Variants in LIMK1 observed in about 807,000 individuals in gnomAD.
LIMK1 encodes the protein LIM motif-containing protein kinase.
In LIMK1, 21 loss-of-function variants were observed where a neutral mutation model predicts 77.6. That is an observed-to-expected ratio of 0.27 (90% confidence interval 0.19 to 0.39). The LOEUF (loss-of-function observed/expected upper bound fraction) is 0.39, where lower values mean the gene tolerates loss of function less well. LIMK1 is among the 10% of genes least tolerant of loss of function. The probability of loss-of-function intolerance (pLI) is 1.00; values close to 1 mark genes in which losing one functional copy is unlikely to be tolerated. For synonymous variants in LIMK1, 358 were observed against 370.0 expected (o/e 0.97, Z 0.37); for missense variants, 696 against 901.6 (o/e 0.77, Z 2.92).
At chr7:74,096,548 G>A (rs1799339397) in intron 2 of LIMK1, 74 bp from the exon 3 acceptor site, 2 of 1,581,680 alleles carry the variant, frequency 1.3e-6, no homozygotes, top group East Asian at 2.2e-5. Flanking sequence ...AAAGGTGCCT[G>A]TAGCCGAGGC....
In LIMK1 at chr7:74,099,042, T is replaced by A; in HGVS notation, c.412T>A (p.Tyr138Asn). 1 of 1,611,430 alleles carries A rather than the reference T, an allele frequency of 6.2e-7. No homozygotes were observed. Among genetic ancestry groups the A allele is most frequent in the Non-Finnish European group, 8.5e-7 (1 of 1,179,680 alleles). ...CGGCGGCTCTTGCAGCGGGCACTGC[T>A]ACTACCAGACTGTGGTGACCCCCGT... ...EHSKLYCGHC[Y>N]YQTVVTPVIE... The change falls in exon 5 of 16, where the codon TAC (tyrosine) becomes AAC (asparagine). Residue 138 changes from tyrosine (Y) to asparagine (N), a missense_variant. By Grantham distance (143) the Tyr-to-Asn change is moderately radical. This residue lies in a region of LIMK1 where 252 missense variants were observed against 279.4 expected (regional missense o/e 0.90). Transcript: ENST00000336180.
intron 2 of LIMK1, chr7:74,093,220 C>T (rs1227425396): frequency 1.3e-6 from 2 of 1,535,376 alleles, no homozygotes; most frequent in African/African-American, 1.4e-5. Flanking sequence ...CTCCCTTAGA[C>T]CTCCAGAGCC....
intron 3 of LIMK1, 141 bp from the exon 4 acceptor site, chr7:74,096,939 C>A: frequency 9.6e-7 from 1 of 1,044,844 alleles, no homozygotes; most frequent in Non-Finnish European, 1.4e-6. Context: ...GGAGCCAGCT[C>A]TGTCCAGGAG....
chr7:74,102,416 GGAGT>G (rs373251630), intron 5 of LIMK1, among the ~76,000 whole-genome samples: 3 of 148,626 alleles, frequency 2.0e-5, no homozygotes, highest in African/African-American at 7.4e-5. Flanking sequence ...TGATCGTTTG[GGAGT>G]AAGTTGCAGG....
At chr7:74,116,992 C>G (rs1011637964) in intron 13 of LIMK1, among the ~76,000 whole-genome samples, 3 of 152,138 alleles carry the variant, frequency 2.0e-5, no homozygotes, top group African/African-American at 7.2e-5. Context: ...CGCCATTCTC[C>G]TGCCTCAGCC....
intron 13 of LIMK1, among the ~76,000 whole-genome samples, chr7:74,119,274 G>A (rs1310862117): frequency 5.9e-5 from 9 of 151,634 alleles, no homozygotes; most frequent in South Asian, 2.1e-4. Flanking sequence ...CACCTCCTGG[G>A]TTCAAGTGAT....
At chr7:74,095,533 A>G (rs1441148751) in intron 2 of LIMK1, among the ~76,000 whole-genome samples, 3 of 152,066 alleles carry the variant, frequency 2.0e-5, no homozygotes, top group African/African-American at 7.2e-5. Context: ...CAGCCTCCCT[A>G]GTAGCTGGGA....
intron 10 of LIMK1, chr7:74,109,839 T>G (rs150863): frequency 0.85 from 129,570 of 152,218 alleles, 55,850 homozygotes; most frequent in Middle Eastern, 0.93. Context: ...GCGAGATTCC[T>G]TCTCAAAAAA....
At chr7:74,091,294 C>T (rs1799229861) in intron 2 of LIMK1, among the ~76,000 whole-genome samples, 1 of 151,942 alleles carries the variant, frequency 6.6e-6, no homozygotes, top group South Asian at 2.1e-4. Flanking sequence ...GAGGCTGAGG[C>T]AGGAGGACTG....
chr7:74,108,910 G>A lies in LIMK1; in HGVS notation c.1158G>A (p.Lys386=), dbSNP rs1554698110. Residue 386 remains lysine (K), a synonymous_variant, in exon 10 of 16, where the codon AAG becomes AAA. Coordinates refer to ENST00000336180, the MANE Select transcript of LIMK1 (RefSeq NM_002314.4). ...ETQRTFLKEV[K]VMRCLEHPNV... is the part of the protein sequence containing the mutation. ...GCCTGTTTGTGCCCCGCCAGGTGAA[G>A]GTCATGCGATGCCTGGAACACCCCA... is the stretch of plus-strand genomic sequence containing the variant. 6.2e-7 allele frequency: 1 copy of A among 1,613,518 alleles called. No individual in the cohort carries two copies. Among genetic ancestry groups the A allele is most frequent in the African/African-American group, 1.3e-5 (1 of 74,900 alleles).
intron 2 of LIMK1, among the ~76,000 whole-genome samples, chr7:74,095,265 T>A (rs1799316084): frequency 6.6e-6 from 1 of 152,128 alleles, no homozygotes; most frequent in African/African-American, 2.4e-5. Flanking sequence ...GACCGACACA[T>A]AGCACCCAAA....
At chr7:74,108,064 C>A in intron 9 of LIMK1, 107 bp downstream of exon 9, 1 of 811,102 alleles carries the variant, frequency 1.2e-6, no homozygotes, top group Non-Finnish European at 2.1e-6. Flanking sequence ...GAAAGAAGAG[C>A]GAGCAGGCCA....
chr7:74,093,318 C>G (rs1554695068), intron 2 of LIMK1: 1 of 1,535,808 alleles, frequency 6.5e-7, no homozygotes, highest in Non-Finnish European at 8.7e-7. Flanking sequence ...GAATCCCCCT[C>G]CCTACTTGTC....
In LIMK1 at chr7:74,084,043, A is replaced by C. The variant is rs1554693718; in HGVS notation, c.53A>C (p.Glu18Ala). 6.1e-6 allele frequency: 9 copies of C among 1,487,372 alleles called. No homozygotes were observed. Among genetic ancestry groups the C allele is most frequent in the Non-Finnish European group, 8.1e-6 (9 of 1,111,450 alleles). 92.1% of individuals were successfully genotyped at this position (1,487,372 alleles called of 1,614,324 possible). A position where few individuals can be genotyped will look rare whatever the true frequency, so the allele number is the denominator to read the frequency against. ...CTWREERMGE[E>A]GSELPVCASC... ...TGGAGGGAAGAACGTATGGGAGAGGAAGGTGCGCGGGCCGCGGGGTGTGGG... is the reference window on the plus strand; with the variant it reads ...TGGAGGGAAGAACGTATGGGAGAGGCAGGTGCGCGGGCCGCGGGGTGTGGG... The change falls in exon 1 of 16, where the codon GAA becomes GCA. Residue 18 changes from glutamate (E) to alanine (A), a missense_variant and splice_region_variant. Coordinates refer to ENST00000336180, the MANE Select transcript of LIMK1 (RefSeq NM_002314.4).
intron 13 of LIMK1, among the ~76,000 whole-genome samples, chr7:74,117,001 C>A (rs6951482): frequency 0.12 from 18,522 of 152,028 alleles, 1,199 homozygotes; most frequent in South Asian, 0.24. Flanking sequence ...CCTGCCTCAG[C>A]CTCCCGAGTA....
In LIMK1 at chr7:74,085,790, A is replaced by G. The variant is rs782428010; in HGVS notation, c.98A>G (p.Tyr33Cys). ...PVCASCGQRI[Y>C]DGQYLQALNA... ...TGTGCAAGCTGCGGCCAGAGGATCT[A>G]TGATGGCCAGTACCTCCAGGCCCTG... The change falls in exon 2 of 16, where the codon TAT (tyrosine) becomes TGT (cysteine). Residue 33 changes from tyrosine to cysteine, a missense_variant. Tyr to Cys is a radical substitution (Grantham distance 194). Coordinates refer to ENST00000336180, the MANE Select transcript of LIMK1 (RefSeq NM_002314.4). The G allele has an allele frequency of 7.0e-6, 11 of 1,564,672 alleles. No individual in the cohort carries two copies. Among genetic ancestry groups the G allele is most frequent in the South Asian group, 5.9e-5 (5 of 85,046 alleles).
intron 5 of LIMK1, among the ~76,000 whole-genome samples, chr7:74,101,400 C>T (rs1396225801): frequency 1.3e-5 from 2 of 152,132 alleles, no homozygotes; most frequent in South Asian, 2.1e-4. Flanking sequence ...TCAGCCACTT[C>T]GGAGGGCTGA....
chr7:74,102,534 A>G (rs1799487666), intron 5 of LIMK1, among the ~76,000 whole-genome samples: 1 of 105,614 alleles, frequency 9.5e-6, no homozygotes, highest in Non-Finnish European at 1.8e-5. Flanking sequence ...TTGAGGCTGG[A>G]GTGCAGTGAT....
chr7:74,119,515 T>TATC (rs1333433574), intron 13 of LIMK1, among the ~76,000 whole-genome samples: 22 of 151,954 alleles, frequency 1.4e-4, no homozygotes, highest in African/African-American at 5.1e-4. Flanking sequence ...AAGTAGCTGG[T>TATC]ATCATTCCCA....
Sources: gnomAD v4.1 joint callset for allele counts (sites outside exome capture counted in the v4.1 genomes callset) on GRCh38, gnomAD v4.1.1 for gene constraint, gnomAD v4.1.1 regional missense constraint, MANE v1.5 for transcripts, NCBI Gene and HGNC (gene_info 2026-07-23, HGNC 2026-07-21) for gene names.